The following RALGPS1 variants were observed in gnomAD, a reference collection of about 807,000 sequenced individuals.
RALGPS1 encodes the protein ras-specific guanine nucleotide-releasing factor RalGPS1.
Under a neutral mutation model 78.8 loss-of-function variants are expected in RALGPS1, and 19 were observed. The ratio of observed to expected loss-of-function variants is 0.24; its 90% CI spans 0.17 to 0.35. The LOEUF (loss-of-function observed/expected upper bound fraction) is 0.35, where lower values mean the gene tolerates loss of function less well. Ranked by LOEUF, RALGPS1 falls within the 10% of genes least tolerant of loss-of-function variation. RALGPS1 has a pLI of 1.00. For synonymous variants in RALGPS1, 228 were observed against 256.3 expected (o/e 0.89, Z 1.06); for missense variants, 454 against 688.3 (o/e 0.66, Z 3.81).
chr9:127,090,297 G>C (rs1239189422), intron 8 of RALGPS1, among the ~76,000 whole-genome samples: 1 of 152,272 alleles, frequency 6.6e-6, no homozygotes, highest in Non-Finnish European at 1.5e-5. Flanking sequence ...TCCCTAAGGA[G>C]GTGGCCCTCC....
intron 8 of RALGPS1, among the ~76,000 whole-genome samples, chr9:127,156,491 C>A (rs1409651333): frequency 1.3e-5 from 2 of 152,076 alleles, no homozygotes; most frequent in South Asian, 2.1e-4. Flanking sequence ...GAAAAAATAT[C>A]TTGTTTTAGT....
At chr9:127,088,119 A>T (rs1421902137) in intron 8 of RALGPS1, 2 of 152,544 alleles carry the variant, frequency 1.3e-5, no homozygotes, top group Non-Finnish European at 2.9e-5. Context: ...CAGAGCGGAA[A>T]GGGGGCCTTG....
At chr9:127,021,261 C>T (rs746911782) in intron 4 of RALGPS1, among the ~76,000 whole-genome samples, 7 of 152,078 alleles carry the variant, frequency 4.6e-5, no homozygotes, top group East Asian at 1.9e-4. Context: ...CAGCACTTTG[C>T]GAGGCCGAGG....
chr9:127,034,018 T>C (rs2046648311), intron 4 of RALGPS1, among the ~76,000 whole-genome samples: 2 of 152,226 alleles, frequency 1.3e-5, no homozygotes, highest in South Asian at 4.1e-4. Context: ...GATGATGTCA[T>C]GTGGCCAGTG....
intron 4 of RALGPS1, among the ~76,000 whole-genome samples, chr9:126,996,106 A>C (rs936783477): frequency 1.3e-5 from 2 of 152,216 alleles, no homozygotes; most frequent in Admixed American, 6.5e-5. Flanking sequence ...ACACCCTGAC[A>C]TCACAATTAA....
intron 17 of RALGPS1, 33 bp from the exon 18 acceptor site, chr9:127,214,718 C>T: frequency 1.3e-6 from 2 of 1,581,152 alleles, no homozygotes; most frequent in Non-Finnish European, 8.6e-7. Context: ...CTACGTGGCC[C>T]TCTTCTTAAC....
intron 5 of RALGPS1, among the ~76,000 whole-genome samples, chr9:127,041,037 G>GTGTGTGTGTGTGTGTA: frequency 6.6e-6 from 1 of 150,494 alleles, no homozygotes; most frequent in South Asian, 2.1e-4. Context: ...ACATTTGTGT[G>GTGTGTGTGTGTGTGTA]TGTGTGTGTG....
intron 1 of RALGPS1, among the ~76,000 whole-genome samples, chr9:126,939,146 A>T (rs1194982577): frequency 1.3e-5 from 2 of 152,144 alleles, no homozygotes; most frequent in African/African-American, 4.8e-5. Context: ...TGTGATCCTC[A>T]TTGCTCCCCA....
At chr9:127,110,049 C>G (rs925542936) in intron 8 of RALGPS1, among the ~76,000 whole-genome samples, 12 of 152,208 alleles carry the variant, frequency 7.9e-5, no homozygotes, top group Non-Finnish European at 1.6e-4. Context: ...AAAACCCTCT[C>G]TTGACCTCAC....
intron 8 of RALGPS1, among the ~76,000 whole-genome samples, chr9:127,079,114 T>A (rs1230003633): frequency 1.3e-5 from 2 of 152,116 alleles, no homozygotes; most frequent in African/African-American, 4.8e-5. Flanking sequence ...AACCTCTGGG[T>A]AAAACCACAC....
In RALGPS1 at chr9:127,175,116, A is replaced by G. The variant is rs1222381867; in HGVS notation, c.910+334A>G. Among the ~76,000 whole-genome samples, 5 of 152,324 alleles carry G rather than the reference A, an allele frequency of 3.3e-5. No individual in the cohort carries two copies. The East Asian group carries it at 7.7e-4, about 23-fold the overall frequency. On this transcript the variant is annotated intron_variant, in intron 11 of 18. Transcript: ENST00000259351. ...TCTTCTCCAGGCTCTCCAGACCCTT[A>G]GCGGGGCTGCTGCCCAGGCTTGGGT...
At chr9:127,153,209 G>A (rs1384406039) in intron 8 of RALGPS1, among the ~76,000 whole-genome samples, 1 of 152,054 alleles carries the variant, frequency 6.6e-6, no homozygotes, top group Non-Finnish European at 1.5e-5. Flanking sequence ...TTACATCTCT[G>A]GAGCTGAGGA....
intron 14 of RALGPS1, among the ~76,000 whole-genome samples, chr9:127,204,254 T>A (rs1234870755): frequency 2.0e-5 from 3 of 152,102 alleles, no homozygotes; most frequent in Admixed American, 1.3e-4. Context: ...GCAGCCTTGA[T>A]CTCCCAGGCT....
intron 8 of RALGPS1, among the ~76,000 whole-genome samples, chr9:127,099,102 G>A (rs1219317396): frequency 2.0e-5 from 3 of 152,168 alleles, no homozygotes; most frequent in Non-Finnish European, 4.4e-5. Flanking sequence ...TGCCCACAGC[G>A]GGACTGGACC....
At chr9:126,944,866 T>G (rs2037110992) in intron 1 of RALGPS1, among the ~76,000 whole-genome samples, 1 of 152,152 alleles carries the variant, frequency 6.6e-6, no homozygotes, top group Non-Finnish European at 1.5e-5. Flanking sequence ...TTTCCTCTGG[T>G]CTGTGATAGT....
chr9:127,151,156 C>T (rs1284115505), intron 8 of RALGPS1, among the ~76,000 whole-genome samples: 1 of 151,250 alleles, frequency 6.6e-6, no homozygotes, highest in African/African-American at 2.4e-5. Flanking sequence ...TGTACTCCAG[C>T]CTGACAACAG....
At chr9:127,119,116 C>G (rs1007881073) in intron 8 of RALGPS1, among the ~76,000 whole-genome samples, 12 of 152,198 alleles carry the variant, frequency 7.9e-5, no homozygotes, top group Non-Finnish European at 1.6e-4. Flanking sequence ...TATCGCAGAG[C>G]ACCCAGGCAC....
At chr9:127,145,323 G>A (rs1218721215) in intron 8 of RALGPS1, among the ~76,000 whole-genome samples, 2 of 152,266 alleles carry the variant, frequency 1.3e-5, no homozygotes, top group South Asian at 2.1e-4. Context: ...GAAACTCCAG[G>A]CCACAGCGCT....
At chr9:127,110,966 G>A (rs560201091) in intron 8 of RALGPS1, among the ~76,000 whole-genome samples, 13 of 152,120 alleles carry the variant, frequency 8.5e-5, no homozygotes, top group African/African-American at 2.4e-4. Context: ...TTTTTAAAAA[G>A]TCAAACGGGG....
Sources: allele counts gnomAD v4.1 joint callset (sites outside exome capture counted in the v4.1 genomes callset), GRCh38; gene constraint gnomAD v4.1.1; transcripts MANE v1.5; gene names NCBI Gene and HGNC (gene_info 2026-07-23, HGNC 2026-07-21).